Variants in GORASP2 observed in about 807,000 individuals in gnomAD.
GORASP2 encodes Golgi reassembly-stacking protein 2.
Under a neutral mutation model 45.7 loss-of-function variants are expected in GORASP2, and 22 were observed. The observed-to-expected ratio is 0.48, with a 90% CI of 0.34 to 0.69. The LOEUF (loss-of-function observed/expected upper bound fraction) is 0.69. Among genes scored for constraint, GORASP2 ranks in the 30% least tolerant of loss-of-function variants. The pLI is 0.01. For missense variants in GORASP2, 491 were observed against 562.7 expected, an observed-to-expected ratio of 0.87 and a Z score of 1.29; for synonymous variants, 221 against 215.6, an observed-to-expected ratio of 1.02 and a Z score of -0.22.
intron 1 of GORASP2, among the ~76,000 whole-genome samples, chr2:170,944,489 A>G (rs1704142225): frequency 6.6e-6 from 1 of 152,336 alleles, no homozygotes; most frequent in South Asian, 2.1e-4. Flanking sequence ...AAATAGAAAA[A>G]TAGAGCTAGG....
At position 170,949,664 on chromosome 2, in the gene GORASP2, GGGC is replaced by G; in HGVS notation, c.274_276del (p.Gly92del). ...CCTCAGTCACACCAAGTAACCTGTG[GGGC>G]GGCCAGGGCTTATTGGGAGTGAGCA... On this transcript the variant is annotated inframe_deletion, in exon 3 of 10. Transcript: ENST00000234160. 6.2e-7 allele frequency: 1 copy of G among 1,614,122 alleles called. No homozygotes were observed. The highest frequency in any genetic ancestry group is 8.5e-7 in the Non-Finnish European group (1 of 1,179,970).
At chr2:170,947,723 C>G (rs184371395) in intron 1 of GORASP2, among the ~76,000 whole-genome samples, 5 of 152,306 alleles carry the variant, frequency 3.3e-5, no homozygotes, top group African/African-American at 1.2e-4. Flanking sequence ...ATTGTAGTGA[C>G]TGTCTGCTGT....
rs752134060 is a variant in GORASP2 at position 170,951,373 on chromosome 2, T to C, written c.481T>C (p.Leu161=). 6.8e-6 allele frequency: 11 copies of C among 1,610,044 alleles called. No homozygotes were observed. The highest frequency in any genetic ancestry group is 9.3e-6 in the Non-Finnish European group (11 of 1,177,752). Reference sequence around the variant, plus strand: ...TATCGAAACACATGAAGCAAAACCATTGAAACTGTATGTGTACAACACAGA... The same window carrying C: ...TATCGAAACACATGAAGCAAAACCACTGAAACTGTATGTGTACAACACAGA... ...SLIETHEAKP[L]KLYVYNTDTD... Residue 161 remains leucine, a synonymous_variant, in exon 5 of 10, where the codon TTG becomes CTG. Coordinates refer to ENST00000234160, the MANE Select transcript of GORASP2 (RefSeq NM_015530.5).
At chr2:170,950,370 C>CGAGAAAAGGCTGGGCACAG in intron 4 of GORASP2, 80 bp downstream of exon 4, 1 of 686,018 alleles carries the variant, frequency 1.5e-6, no homozygotes, top group Non-Finnish European at 2.5e-6. Context: ...TATTTGCATG[C>CGAGAAAAGGCTGGGCACAG]TTTGCATTTA....
chr2:170,948,888 A>G (rs954995789), intron 2 of GORASP2: 1 of 153,430 alleles, frequency 6.5e-6, no homozygotes, highest in African/African-American at 2.4e-5. Context: ...AATTAAAACC[A>G]CTTTTTATAC....
In GORASP2 at chr2:170,951,046, G is replaced by C. The variant is rs544080352; in HGVS notation, c.436-282G>C. 2.0e-5 allele frequency among the ~76,000 whole-genome samples: 3 copies of C among 152,230 alleles called. 1 individual carries two copies. In the South Asian group the frequency reaches 6.2e-4, roughly 32 times the overall value. On this transcript the variant is annotated intron_variant, in intron 4 of 9. Transcript: ENST00000234160. Reference sequence around the variant, plus strand: ...GCCCAGACAACCAGGTCTTAATAATGGGAAGTAAAAGCAGAATATGTAGAA... The same window carrying C: ...GCCCAGACAACCAGGTCTTAATAATCGGAAGTAAAAGCAGAATATGTAGAA...
intron 8 of GORASP2, among the ~76,000 whole-genome samples, chr2:170,962,412 T>A (rs1199060261): frequency 6.6e-6 from 1 of 152,196 alleles, no homozygotes; most frequent in Non-Finnish European, 1.5e-5. Flanking sequence ...TTTTACTACT[T>A]TTGCAACTGT....
At chr2:170,932,401 C>A (rs1407463069) in intron 1 of GORASP2, among the ~76,000 whole-genome samples, 6 of 152,156 alleles carry the variant, frequency 3.9e-5, no homozygotes, top group African/African-American at 1.4e-4. Context: ...TCACGGTAGT[C>A]TTTTGTACCA....
intron 1 of GORASP2, among the ~76,000 whole-genome samples, chr2:170,939,577 ATAT>A (rs1704027434): frequency 1.3e-5 from 2 of 152,188 alleles, no homozygotes; most frequent in Admixed American, 1.3e-4. Context: ...GTTCTGTTTT[ATAT>A]TATTAGTTAT....
intron 5 of GORASP2, 56 bp downstream of exon 5, chr2:170,951,514 TTG>T (rs1341155338): frequency 7.8e-7 from 1 of 1,281,770 alleles, no homozygotes; most frequent in African/African-American, 1.5e-5. Flanking sequence ...GTCAGATATG[TTG>T]CAGACATTGA....
intron 1 of GORASP2, among the ~76,000 whole-genome samples, chr2:170,932,235 AAAG>A (rs1485027639): frequency 6.6e-6 from 1 of 152,188 alleles, no homozygotes; most frequent in African/African-American, 2.4e-5. Flanking sequence ...TTCAAAAAAA[AAAG>A]AGTCTCTTCT....
Position 170,956,437 on chromosome 2 carries a change from T to C in GORASP2, c.701T>C (p.Val234Ala). 1 of 1,607,178 alleles carries C rather than the reference T, an allele frequency of 6.2e-7. No homozygotes were observed. The highest frequency in any genetic ancestry group is 8.5e-7 in the Non-Finnish European group (1 of 1,178,186). Residue 234 changes from valine to alanine, a missense_variant and splice_region_variant, in exon 7 of 10, where the codon GTC becomes GCC. Physicochemically the swap from Val to Ala is moderately conservative, Grantham distance 64 (BLOSUM62 0). Transcript: ENST00000234160. ...TGTTTTTTTTTCTTTTTTTGGAAGGTCCAGCTGTCCTCAGTTAATCCCCCG... is the reference window on the plus strand; with the variant it reads ...TGTTTTTTTTTCTTTTTTTGGAAGGCCCAGCTGTCCTCAGTTAATCCCCCG... ...ITPLKDGFTEVQLSSVNPPSL... is the reference protein window; with the variant it reads ...ITPLKDGFTEAQLSSVNPPSL...
chr2:170,933,177 G>A (rs1575466782), intron 1 of GORASP2, among the ~76,000 whole-genome samples: 1 of 152,166 alleles, frequency 6.6e-6, no homozygotes, highest in African/African-American at 2.4e-5. Context: ...AAAAATTTGT[G>A]TAGAAGTCTT....
chr2:170,935,081 A>C (rs1303250218), intron 1 of GORASP2, among the ~76,000 whole-genome samples: 1 of 152,130 alleles, frequency 6.6e-6, no homozygotes, highest in African/African-American at 2.4e-5. Flanking sequence ...GTTGTTTAAT[A>C]AACATTCTTT....
At chr2:170,932,928 C>T (rs1703862239) in intron 1 of GORASP2, among the ~76,000 whole-genome samples, 1 of 152,188 alleles carries the variant, frequency 6.6e-6, no homozygotes. Context: ...CACATTCACT[C>T]AAAATTGTGT....
intron 7 of GORASP2, among the ~76,000 whole-genome samples, chr2:170,960,818 A>C (rs1450298499): frequency 2.0e-5 from 3 of 152,198 alleles, no homozygotes; most frequent in African/African-American, 7.2e-5. Flanking sequence ...TAAATGAATA[A>C]ATAATAGACT....
intron 7 of GORASP2, among the ~76,000 whole-genome samples, chr2:170,957,330 A>T (rs981162419): frequency 6.6e-6 from 1 of 151,952 alleles, no homozygotes; most frequent in African/African-American, 2.4e-5. Context: ...AGGCCGGAGT[A>T]CAATGGCATG....
chr2:170,960,756 C>T (rs1344617640), intron 7 of GORASP2, among the ~76,000 whole-genome samples: 1 of 152,158 alleles, frequency 6.6e-6, no homozygotes, highest in African/African-American at 2.4e-5. Flanking sequence ...GCCAGTGCTT[C>T]AGTTAGACTT....
At position 170,949,559 on chromosome 2, in the gene GORASP2, T is replaced by A. The variant is rs370870080; in HGVS notation, c.165T>A (p.Leu55=). 6.2e-7 allele frequency: 1 copy of A among 1,613,428 alleles called. No homozygotes were observed. The highest frequency in any genetic ancestry group is 1.3e-5 in the African/African-American group (1 of 74,924). Residue 55 remains leucine, a synonymous_variant, in exon 3 of 10, where the codon CTT becomes CTA. Coordinates refer to ENST00000234160, the MANE Select transcript of GORASP2 (RefSeq NM_015530.5). ...GSRLNKDNDT[L]KDLLKANVEK... Reference sequence around the variant, plus strand: ...CACAGAATAAAGACAATGACACTCTTAAGGATCTGCTGAAAGCAAACGTTG... The same window carrying A: ...CACAGAATAAAGACAATGACACTCTAAAGGATCTGCTGAAAGCAAACGTTG...
Sources: gnomAD v4.1 joint callset for allele counts (sites outside exome capture counted in the v4.1 genomes callset) on GRCh38, gnomAD v4.1.1 for gene constraint, MANE v1.5 for transcripts, NCBI Gene and HGNC (gene_info 2026-07-23, HGNC 2026-07-21) for gene names.